Variants in DLGAP1 observed in about 807,000 individuals in gnomAD.
DLGAP1 encodes the protein disks large-associated protein 1.
In DLGAP1, 11 loss-of-function variants were observed where a neutral mutation model predicts 90.8. The observed-to-expected ratio is 0.12, with a 90% CI of 0.08 to 0.20. DLGAP1 has a LOEUF of 0.20. Ranked by LOEUF, DLGAP1 falls within the 10% of genes least tolerant of loss-of-function variation. The pLI is 1.00. For missense variants in DLGAP1, 1,050 were observed against 1,333.8 expected, an observed-to-expected ratio of 0.79 and a Z score of 3.31; for synonymous variants, 558 against 540.7, an observed-to-expected ratio of 1.03 and a Z score of -0.44.
chr18:4,078,215 C>T (rs1256173152), intron 2 of DLGAP1, among the ~76,000 whole-genome samples: 1 of 152,124 alleles, frequency 6.6e-6, no homozygotes, highest in Non-Finnish European at 1.5e-5. Flanking sequence ...TTATTCTGTA[C>T]AACTGATAAC....
chr18:3,634,873 C>T (rs1246752968), intron 7 of DLGAP1, among the ~76,000 whole-genome samples: 1 of 152,184 alleles, frequency 6.6e-6, no homozygotes, highest in African/African-American at 2.4e-5. Flanking sequence ...TATTTCAACT[C>T]AATGACATCC....
chr18:3,791,230 C>G (rs1010937886), intron 5 of DLGAP1, among the ~76,000 whole-genome samples: 3 of 152,152 alleles, frequency 2.0e-5, no homozygotes, highest in African/African-American at 7.2e-5. Context: ...TGACAAGCAC[C>G]TTATCTTCTA....
At chr18:3,797,379 G>C (rs186245571) in intron 5 of DLGAP1, among the ~76,000 whole-genome samples, 1 of 151,440 alleles carries the variant, frequency 6.6e-6, no homozygotes, top group Non-Finnish European at 1.5e-5. Flanking sequence ...TGTCTGCCAC[G>C]TCAAGACAGT....
intron 6 of DLGAP1, among the ~76,000 whole-genome samples, chr18:3,741,315 CCACCACCACCACCAT>C (rs1464635186): frequency 4.4e-5 from 6 of 137,402 alleles, no homozygotes; most frequent in Admixed American, 2.8e-4. Context: ...CACATCACCA[CCACCACCACCACCAT>C]CACCACCACC....
At chr18:4,418,852 C>CA (rs1214697715) in intron 1 of DLGAP1, among the ~76,000 whole-genome samples, 1 of 33,286 alleles carries the variant, frequency 3.0e-5, no homozygotes, top group Admixed American at 4.8e-4. Flanking sequence ...ACTACAGAGC[C>CA]AAAAACAAAA....
At chr18:4,400,527 G>A (rs2082533230) in intron 1 of DLGAP1, among the ~76,000 whole-genome samples, 2 of 152,024 alleles carry the variant, frequency 1.3e-5, no homozygotes, top group South Asian at 4.1e-4. Flanking sequence ...TATTTTCACG[G>A]ATATATGTCA....
At chr18:3,828,292 G>A (rs777620312) in intron 4 of DLGAP1, among the ~76,000 whole-genome samples, 23 of 152,154 alleles carry the variant, frequency 1.5e-4, no homozygotes, top group Non-Finnish European at 3.1e-4. Flanking sequence ...GCTTTTTCAT[G>A]TTCTTGTACA....
At chr18:4,022,730 G>C (rs1218058479) in intron 2 of DLGAP1, among the ~76,000 whole-genome samples, 1 of 151,978 alleles carries the variant, frequency 6.6e-6, no homozygotes, top group Non-Finnish European at 1.5e-5. Context: ...ATTGTTGGGT[G>C]TATCCACACT....
At chr18:4,364,017 C>T (rs527880073) in intron 1 of DLGAP1, among the ~76,000 whole-genome samples, 1 of 151,554 alleles carries the variant, frequency 6.6e-6, no homozygotes, top group Non-Finnish European at 1.5e-5. Context: ...AAATGTCCAA[C>T]AATGATAGAC....
At chr18:3,563,783 T>A (rs575982251) in intron 9 of DLGAP1, among the ~76,000 whole-genome samples, 41 of 152,310 alleles carry the variant, frequency 2.7e-4, no homozygotes, top group African/African-American at 7.7e-4. Context: ...TGGCTTTTTA[T>A]CAGTCTTCTT....
At chr18:4,330,230 T>G (rs2080917469) in intron 1 of DLGAP1, among the ~76,000 whole-genome samples, 2 of 151,912 alleles carry the variant, frequency 1.3e-5, no homozygotes, top group African/African-American at 2.4e-5. Flanking sequence ...TTTCTTGATA[T>G]TATTAATTTG....
At chr18:4,236,202 T>C (rs2078411507) in intron 1 of DLGAP1, among the ~76,000 whole-genome samples, 1 of 152,220 alleles carries the variant, frequency 6.6e-6, no homozygotes, top group African/African-American at 2.4e-5. Context: ...CATAGGATTT[T>C]GTGAGGTTTC....
chr18:4,447,744 T>A (rs143899265), intron 1 of DLGAP1, among the ~76,000 whole-genome samples: 10 of 152,120 alleles, frequency 6.6e-5, no homozygotes, highest in African/African-American at 2.2e-4. Context: ...TGCTTGAAAA[T>A]TTTTCAAAAT....
intron 1 of DLGAP1, among the ~76,000 whole-genome samples, chr18:4,418,918 C>T (rs2082966396): frequency 6.6e-6 from 1 of 151,656 alleles, no homozygotes; most frequent in Admixed American, 6.6e-5. Context: ...AAACAAAATC[C>T]ACCCAGGTAT....
intron 1 of DLGAP1, among the ~76,000 whole-genome samples, chr18:4,352,723 G>C (rs1180762954): frequency 6.6e-6 from 1 of 152,062 alleles, no homozygotes; most frequent in Non-Finnish European, 1.5e-5. Context: ...GCAGAATTCT[G>C]TACTCACTCT....
intron 7 of DLGAP1, among the ~76,000 whole-genome samples, chr18:3,620,782 T>C (rs538504320): frequency 6.6e-6 from 1 of 152,282 alleles, no homozygotes; most frequent in Non-Finnish European, 1.5e-5. Context: ...GGTCTTGGAC[T>C]CCTGACCTCA....
At chr18:3,956,405 A>G (rs1318311619) in intron 3 of DLGAP1, among the ~76,000 whole-genome samples, 1 of 151,032 alleles carries the variant, frequency 6.6e-6, no homozygotes, top group Non-Finnish European at 1.5e-5. Flanking sequence ...GCTGGAGTGC[A>G]GTGGCGTGAT....
chr18:3,534,335 G>A lies in DLGAP1; in HGVS notation c.2338C>T (p.Pro780Ser). 2 of 1,614,216 alleles carry A rather than the reference G, an allele frequency of 1.2e-6. No individual in the cohort carries two copies. Among genetic ancestry groups the A allele is most frequent in the Non-Finnish European group, 1.7e-6 (2 of 1,180,042 alleles). Residue 780 changes from proline (P) to serine (S), a missense_variant, in exon 10 of 13, where the codon CCT becomes TCT. By Grantham distance (74) the Pro-to-Ser change is moderately conservative. Around this residue, in one of 2 missense-constraint regions of DLGAP1, gnomAD observed 565 missense variants for 879.7 expected, o/e 0.64. Transcript: ENST00000315677. ...DPWIDSITED[P>S]LEAVQRSVCH... ...ACTGACCTTTGCACGGCCTCCAGAG[G>A]GTCTTCAGTGATAGAGTCAATCCAG...
At chr18:3,685,715 T>C (rs1244606938) in intron 7 of DLGAP1, among the ~76,000 whole-genome samples, 1 of 152,062 alleles carries the variant, frequency 6.6e-6, no homozygotes, top group Non-Finnish European at 1.5e-5. Context: ...CCCAAAGTGC[T>C]GGGAATGCCA....
Sources: allele counts gnomAD v4.1 joint callset (sites outside exome capture counted in the v4.1 genomes callset), GRCh38; gene constraint gnomAD v4.1.1; regional missense constraint gnomAD v4.1.1; transcripts MANE v1.5; gene names NCBI Gene and HGNC (gene_info 2026-07-23, HGNC 2026-07-21).